The following MCF2L variants were observed in gnomAD, a reference collection of about 807,000 sequenced individuals.
The protein encoded by MCF2L is guanine nucleotide exchange factor DBS.
A neutral mutation model predicts 153.4 loss-of-function variants in MCF2L; 97 were observed. The observed-to-expected ratio is 0.63, with a 90% CI of 0.54 to 0.75. MCF2L has a LOEUF of 0.75. MCF2L is among the 30% of genes least tolerant of loss of function. MCF2L has a pLI of 0.00. For synonymous variants in MCF2L, 659 were observed against 632.2 expected, an observed-to-expected ratio of 1.04 and a Z score of -0.64; for missense variants, 1,347 against 1,495.2, an observed-to-expected ratio of 0.90 and a Z score of 1.64.
intron 21 of MCF2L, 32 bp downstream of exon 21, chr13:113,086,281 C>G (rs368815727): frequency 1.2e-4 from 191 of 1,605,410 alleles, no homozygotes; most frequent in Non-Finnish European, 1.5e-4. Flanking sequence ...TCTTCCCCGC[C>G]GCCTCCGTGG....
In MCF2L at chr13:113,007,720, G is replaced by A. The variant is rs968719852; in HGVS notation, c.80-7043G>A. 3.9e-5 allele frequency among the ~76,000 whole-genome samples: 6 copies of A among 152,284 alleles called. No individual in the cohort carries two copies. The East Asian group carries it at 1.2e-3, about 29-fold the overall frequency. ...TCCTTTGTAAGCTTGGGGAGTCGGC[G>A]GGAGAGACGTGACCCACTGGCCACT... On this transcript the variant is annotated intron_variant, in intron 1 of 29. Transcript: ENST00000535094.
chr13:113,059,174 C>T (rs754617212), intron 4 of MCF2L, among the ~76,000 whole-genome samples: 23 of 152,226 alleles, frequency 1.5e-4, no homozygotes, highest in Non-Finnish European at 2.2e-4. Flanking sequence ...CTAGAATTCC[C>T]GCCTGAGATC....
At chr13:112,977,545 A>T (rs1008944342) in intron 1 of MCF2L, among the ~76,000 whole-genome samples, 4 of 152,236 alleles carry the variant, frequency 2.6e-5, no homozygotes, top group Admixed American at 2.0e-4. Context: ...GGTTTTAATT[A>T]GTAACATCTT....
At position 113,081,430 on chromosome 13, in the gene MCF2L, G is replaced by T. The variant is rs548026848; in HGVS notation, c.1875+151G>T. ...ACAGCAGCCTGGTCGGGCCCCAGACGGGGAGCCCCTGGGGGCCTATCAACA... is the reference window on the plus strand; with the variant it reads ...ACAGCAGCCTGGTCGGGCCCCAGACTGGGAGCCCCTGGGGGCCTATCAACA... On this transcript the variant is annotated intron_variant, in intron 16 of 29. Transcript: ENST00000535094. 69 of 747,372 alleles carry T rather than the reference G, an allele frequency of 9.2e-5. No individual in the cohort carries two copies. The East Asian group carries it at 1.7e-3, about 19-fold the overall frequency. The allele number at this position is 747,372 out of a possible 1,614,324, so 46.3% of individuals were successfully genotyped here. A position where few individuals can be genotyped will look rare whatever the true frequency, so the allele number is the denominator to read the frequency against.
At chr13:113,056,306 G>T (rs1213039430) in intron 4 of MCF2L, among the ~76,000 whole-genome samples, 5 of 151,660 alleles carry the variant, frequency 3.3e-5, no homozygotes, top group African/African-American at 1.2e-4. Flanking sequence ...GTGTTTGGGT[G>T]CTGTGTGTTT....
intron 2 of MCF2L, among the ~76,000 whole-genome samples, chr13:113,018,912 C>A (rs900636930): frequency 6.6e-6 from 1 of 152,202 alleles, no homozygotes; most frequent in Non-Finnish European, 1.5e-5. Context: ...GCATGGTCAG[C>A]GGTGGCCATC....
intron 18 of MCF2L, 72 bp from the exon 19 acceptor site, chr13:113,084,820 G>A (rs530056681): frequency 2.6e-6 from 3 of 1,162,132 alleles, no homozygotes; most frequent in Non-Finnish European, 3.9e-6. Flanking sequence ...GCGTAATGCG[G>A]TGCCCGTCCC....
At chr13:113,038,389 C>T (rs1043307988) in intron 3 of MCF2L, among the ~76,000 whole-genome samples, 8 of 151,218 alleles carry the variant, frequency 5.3e-5, no homozygotes, top group South Asian at 2.1e-4. Flanking sequence ...GGCCTGAACC[C>T]GGAAGGCGGA....
At position 113,097,952 on chromosome 13, in the gene MCF2L, A is replaced by G. The variant is rs536071641; in HGVS notation, c.*1093A>G. ...GTGGGGAGAGTATTTTATTCAAGTC[A>G]CAGCAGAACTGGAAAAAAACTCTTC... On this transcript the variant is annotated 3_prime_UTR_variant, in exon 30 of 30. Transcript: ENST00000535094. 6.6e-6 allele frequency: 1 copy of G among 152,316 alleles called. No homozygotes were observed. The highest frequency in any genetic ancestry group is 2.1e-4 in the South Asian group (1 of 4,822). 9.4% of individuals were successfully genotyped at this position (152,316 alleles called of 1,614,324 possible). A position where few individuals can be genotyped will look rare whatever the true frequency, so the allele number is the denominator to read the frequency against.
rs557943252 is a variant in MCF2L, at chr13:112,978,429, C to G, written c.79+8971C>G. Among the ~76,000 whole-genome samples the G allele has an allele frequency of 5.3e-5, 8 of 152,322 alleles. No homozygotes were observed. In the East Asian group the frequency reaches 1.5e-3, roughly 29 times the overall value. On this transcript the variant is annotated intron_variant, in intron 1 of 29. Coordinates refer to ENST00000535094, the MANE Select transcript of MCF2L (RefSeq NM_001112732.3). The stretch of plus-strand genomic sequence containing the variant: ...CTGTCTTTCCTGGCAGAAGCTGGCT[C>G]TCAACACCTGTAGCTCTCAGAGGAG...
intron 16 of MCF2L, 74 bp downstream of exon 16, chr13:113,081,353 A>G: frequency 2.8e-6 from 4 of 1,407,144 alleles, no homozygotes; most frequent in Non-Finnish European, 3.9e-6. Flanking sequence ...TCCTCTGACA[A>G]CTGCTGCTCG....
At chr13:112,975,185 C>T (rs934022062) in intron 1 of MCF2L, among the ~76,000 whole-genome samples, 5 of 152,172 alleles carry the variant, frequency 3.3e-5, no homozygotes, top group Non-Finnish European at 5.9e-5. Flanking sequence ...GCTAACTGCC[C>T]TTGTCTGATA....
At chr13:113,008,497 A>C (rs2083860698) in intron 1 of MCF2L, among the ~76,000 whole-genome samples, 1 of 152,242 alleles carries the variant, frequency 6.6e-6, no homozygotes, top group Non-Finnish European at 1.5e-5. Context: ...TTTAAAATCT[A>C]AGCAAACTGT....
At position 113,027,627 on chromosome 13, in the gene MCF2L, C is replaced by T. The variant is rs1001868435; in HGVS notation, c.278+2869C>T. 5.9e-5 allele frequency among the ~76,000 whole-genome samples: 9 copies of T among 152,080 alleles called. No individual in the cohort carries two copies. Among genetic ancestry groups the T allele is most frequent in the East Asian group, 1.9e-4 (1 of 5,190 alleles). On this transcript the variant is annotated intron_variant, in intron 3 of 29. Transcript: ENST00000535094. The surrounding 1 kb of genome is among the most constrained non-coding windows in gnomAD (Gnocchi z 4.8). Reference sequence around the variant, plus strand: ...ACGGAGGAGGGGCTGGGTCTCGGGCCGAGCGGCCGAGCTCCCTGAGGGGCT... The same window carrying T: ...ACGGAGGAGGGGCTGGGTCTCGGGCTGAGCGGCCGAGCTCCCTGAGGGGCT...
chr13:112,959,771 A>G (rs796079696), intron 2 of MCF2L, among the ~76,000 whole-genome samples: 34 of 152,362 alleles, frequency 2.2e-4, no homozygotes, highest in African/African-American at 8.2e-4. Flanking sequence ...CACACCCACG[A>G]CAACCAAGCT....
At chr13:112,961,970 C>T (rs1284657092) in intron 2 of MCF2L, among the ~76,000 whole-genome samples, 1 of 152,320 alleles carries the variant, frequency 6.6e-6, no homozygotes, top group East Asian at 1.9e-4. Context: ...CGTTGCACAG[C>T]GAGGGGACAT....
At chr13:112,968,466 T>G (rs776419960), upstream of MCF2L, 2 of 1,589,248 alleles carry the variant, frequency 1.3e-6, no homozygotes, top group Admixed American at 3.4e-5. Flanking sequence ...GTGCCAACCA[T>G]GGCGAGGGTG....
intron 4 of MCF2L, among the ~76,000 whole-genome samples, chr13:113,060,347 T>C (rs1487331308): frequency 2.0e-5 from 3 of 152,242 alleles, no homozygotes; most frequent in Non-Finnish European, 2.9e-5. Flanking sequence ...CTTTGGACTT[T>C]TACATTTGTA....
intron 2 of MCF2L, among the ~76,000 whole-genome samples, chr13:112,929,253 TCAAAGGGGTGTTTG>T (rs1158216475): frequency 5.9e-5 from 9 of 152,198 alleles, no homozygotes; most frequent in Admixed American, 5.9e-4. Context: ...GTCTCCCTCT[TCAAAGGGGTGTTTG>T]CTCTTTATTC....
Sources: allele counts gnomAD v4.1 joint callset (sites outside exome capture counted in the v4.1 genomes callset), GRCh38; gene constraint gnomAD v4.1.1; non-coding constraint Gnocchi (gnomAD v3.1); transcripts MANE v1.5; gene names NCBI Gene and HGNC (gene_info 2026-07-23, HGNC 2026-07-21).